DDRGK1: variants seen among roughly 807,000 people sequenced by gnomAD.
DDRGK1 encodes DDRGK domain containing 1.
DDRGK1 carries 38 observed loss-of-function variants against 45.8 expected under a neutral mutation model. That is an observed-to-expected ratio of 0.83 (90% CI 0.64 to 1.09). The LOEUF (loss-of-function observed/expected upper bound fraction) is 1.09. Ranked by LOEUF, DDRGK1 falls within the 50% of genes least tolerant of loss-of-function variation. The pLI is 0.00. For synonymous variants in DDRGK1, 171 were observed against 168.7 expected, an observed-to-expected ratio of 1.01 and a Z score of -0.11; for missense variants, 403 against 419.9, an observed-to-expected ratio of 0.96 and a Z score of 0.35.
At chr20:3,191,085 C>T (rs2066987586) in intron 8 of DDRGK1, 105 bp downstream of exon 8, 1 of 1,455,698 alleles carries the variant, frequency 6.9e-7, no homozygotes, top group Non-Finnish European at 9.5e-7. Context: ...ACACCCCTCC[C>T]CCCATCTTGG....
chr20:3,194,530 G>T (rs2067001728), intron 6 of DDRGK1, among the ~76,000 whole-genome samples: 1 of 152,274 alleles, frequency 6.6e-6, no homozygotes, highest in African/African-American at 2.4e-5. Flanking sequence ...CATGTGAAGA[G>T]ACTTGAAAAC....
chr20:3,201,250 C>G (rs1336930442), intron 2 of DDRGK1, among the ~76,000 whole-genome samples: 2 of 147,524 alleles, frequency 1.4e-5, no homozygotes, highest in Non-Finnish European at 3.0e-5. Flanking sequence ...CGCCACTGCA[C>G]TCCATCCAGC....
intron 7 of DDRGK1, chr20:3,191,536 C>A: frequency 1.4e-6 from 1 of 728,530 alleles, no homozygotes; most frequent in South Asian, 1.5e-5. Context: ...CTGCTTTGGT[C>A]ACAGGGGCTG....
chr20:3,190,699 G>C lies in DDRGK1; in HGVS notation c.899C>G (p.Ser300Cys), dbSNP rs745675319. 5 of 1,614,080 alleles carry C rather than the reference G, an allele frequency of 3.1e-6. No homozygotes were observed. The highest frequency in any genetic ancestry group is 2.2e-5 in the South Asian group (2 of 91,072). ...SIAELAQASNSLIAWGRESPA... is the reference protein window; with the variant it reads ...SIAELAQASNCLIAWGRESPA... The stretch of plus-strand genomic sequence containing the variant: ...GGACTCCCGGCCCCAGGCGATGAGG[G>C]AGTTGCTGGCTTGGGCAAGCTCGGC... The change falls in exon 9 of 9, where the codon TCC becomes TGC. Residue 300 changes from serine (S) to cysteine (C), a missense_variant. By Grantham distance (112) the Ser-to-Cys change is moderately radical. Transcript: ENST00000354488.
At chr20:3,193,420 G>A (rs1238956138) in intron 6 of DDRGK1, among the ~76,000 whole-genome samples, 1 of 152,030 alleles carries the variant, frequency 6.6e-6, no homozygotes, top group Non-Finnish European at 1.5e-5. Flanking sequence ...GCCCAGGCTG[G>A]AGTGCAGTGG....
At chr20:3,193,790 G>A (rs1205194967) in intron 6 of DDRGK1, among the ~76,000 whole-genome samples, 1 of 152,198 alleles carries the variant, frequency 6.6e-6, no homozygotes, top group Non-Finnish European at 1.5e-5. Context: ...TTTCTGCAGA[G>A]TAAAGGGGGA....
At chr20:3,204,515 C>T in intron 1 of DDRGK1, 22 bp downstream of exon 1, 1 of 1,546,562 alleles carries the variant, frequency 6.5e-7, no homozygotes, top group Non-Finnish European at 8.7e-7. Flanking sequence ...ACCACCAACC[C>T]TGGTGCAGCG....
intron 4 of DDRGK1, among the ~76,000 whole-genome samples, chr20:3,196,597 C>T (rs994299522): frequency 2.6e-5 from 4 of 151,982 alleles, no homozygotes; most frequent in African/African-American, 9.7e-5. Flanking sequence ...AGGAGAATGG[C>T]GTGAACCTGG....
At chr20:3,198,867 T>C (rs1207017832) in intron 4 of DDRGK1, among the ~76,000 whole-genome samples, 3 of 143,304 alleles carry the variant, frequency 2.1e-5, no homozygotes, top group Non-Finnish European at 4.6e-5. Context: ...TGGGGTCAGG[T>C]GTGGTGGCTC....
intron 4 of DDRGK1, among the ~76,000 whole-genome samples, chr20:3,199,524 G>A (rs1018266669): frequency 6.6e-6 from 1 of 152,144 alleles, no homozygotes; most frequent in Admixed American, 6.6e-5. Context: ...CTCTTTTTGG[G>A]AAACCTGGTT....
Position 3,200,036 on chromosome 20 carries a change from CCTT to C in DDRGK1, c.472_474del (p.Lys158del). On this transcript the variant is annotated inframe_deletion, in exon 4 of 9. Transcript: ENST00000354488. Reference sequence around the variant, plus strand: ...TCCTCCAGGCGAAGCCGCTCCTCCTCCTTCTTCCACTCAGCTTCGCGCTGGGAC... The same window carrying C: ...TCCTCCAGGCGAAGCCGCTCCTCCTCCTTCCACTCAGCTTCGCGCTGGGAC... 1.2e-6 allele frequency: 2 copies of C among 1,613,880 alleles called. No homozygotes were observed. The highest frequency in any genetic ancestry group is 2.2e-5 in the East Asian group (1 of 44,878).
chr20:3,193,795 G>C (rs1483760726), intron 6 of DDRGK1, among the ~76,000 whole-genome samples: 1 of 152,202 alleles, frequency 6.6e-6, no homozygotes, highest in Admixed American at 6.5e-5. Context: ...GCAGAGTAAA[G>C]GGGGATGTTG....
chr20:3,204,492 C>T (rs1600479902), intron 1 of DDRGK1, 45 bp downstream of exon 1: 1 of 1,530,806 alleles, frequency 6.5e-7, no homozygotes, highest in Non-Finnish European at 8.8e-7. Context: ...CTCAGAAGGC[C>T]AGAAAACCCG....
chr20:3,203,535 G>C, intron 1 of DDRGK1, 119 bp from the exon 2 acceptor site: 2 of 1,326,028 alleles, frequency 1.5e-6, no homozygotes, highest in South Asian at 1.7e-5. Flanking sequence ...CACAGCACAA[G>C]GCCCCGACTT....
chr20:3,201,500 A>AG (rs1199699147), intron 2 of DDRGK1, among the ~76,000 whole-genome samples: 1 of 150,780 alleles, frequency 6.6e-6, no homozygotes, highest in African/African-American at 2.4e-5. Context: ...AAAAAAGATG[A>AG]GAACTTTAGA....
In DDRGK1 at chr20:3,195,305, C is replaced by G. The variant is rs2067005364; in HGVS notation, c.559G>C (p.Glu187Gln). The change falls in exon 5 of 9, where the codon GAG becomes CAG. Residue 187 changes from glutamate to glutamine, a missense_variant. By Grantham distance (29) the Glu-to-Gln change is conservative. Transcript: ENST00000354488. ...GCCTCCTTCAGTTTCAGGTACTCCT[C>G]ATGCTCCCGCTGGGCCTGCTCCTCG... ...AREEQAQREH[E>Q]EYLKLKEAFV... 6.2e-7 allele frequency: 1 copy of G among 1,613,090 alleles called. No homozygotes were observed. The highest frequency in any genetic ancestry group is 1.3e-5 in the African/African-American group (1 of 75,040).
intron 2 of DDRGK1, among the ~76,000 whole-genome samples, chr20:3,201,824 A>C (rs2067041440): frequency 2.0e-5 from 3 of 149,716 alleles, no homozygotes; most frequent in Admixed American, 6.7e-5. Context: ...TGCCCCCCTG[A>C]TTTTTTTATT....
intron 6 of DDRGK1, 103 bp downstream of exon 6, chr20:3,194,727 T>C (rs1411834012): frequency 1.3e-6 from 2 of 1,489,812 alleles, no homozygotes; most frequent in Non-Finnish European, 1.9e-6. Flanking sequence ...TGTCCACTCC[T>C]GCATGAGCCT....
chr20:3,200,189 G>A, intron 3 of DDRGK1, 87 bp from the exon 4 acceptor site: 3 of 1,521,184 alleles, frequency 2.0e-6, no homozygotes, highest in Non-Finnish European at 2.7e-6. Context: ...GGCAATGCCT[G>A]GGCCAGGGCA....
Sources: gnomAD v4.1 joint callset for allele counts (sites outside exome capture counted in the v4.1 genomes callset) on GRCh38, gnomAD v4.1.1 for gene constraint, MANE v1.5 for transcripts, NCBI Gene and HGNC (gene_info 2026-07-23, HGNC 2026-07-21) for gene names.